Variants in SLC24A2 observed in about 807,000 individuals in gnomAD.
SLC24A2 encodes the protein solute carrier family 24 member 2, also known as sodium/potassium/calcium exchanger 2.
Under a neutral mutation model 62.0 loss-of-function variants are expected in SLC24A2, and 36 were observed. The observed-to-expected ratio is 0.58, with a 90% CI of 0.44 to 0.77. The LOEUF (loss-of-function observed/expected upper bound fraction) is 0.77, where lower values mean the gene tolerates loss of function less well. Among genes scored for constraint, SLC24A2 ranks in the 30% least tolerant of loss-of-function variants. The pLI, the probability that SLC24A2 is intolerant of heterozygous loss-of-function variation, is 0.00. For synonymous variants in SLC24A2, 358 were observed against 294.0 expected, an observed-to-expected ratio of 1.22 and a Z score of -2.23; for missense variants, 846 against 817.9, an observed-to-expected ratio of 1.03 and a Z score of -0.42.
At chr9:20,256,921 T>TACACACAC in the SLC24A2 span, among the ~76,000 whole-genome samples, 1,967 of 119,946 alleles carry the variant, frequency 0.016, 32 homozygotes, top group African/African-American at 0.041. Flanking sequence ...CTCCAGCATG[T>TACACACAC]ACACACACAC....
At chr9:20,299,769 G>A in the SLC24A2 span, among the ~76,000 whole-genome samples, 8 of 152,196 alleles carry the variant, frequency 5.3e-5, no homozygotes, top group Non-Finnish European at 8.8e-5. Flanking sequence ...AAAGAAACTC[G>A]TTCAGGGAGA....
intron 8 of SLC24A2, among the ~76,000 whole-genome samples, chr9:19,543,778 C>T (rs1038575423): frequency 2.0e-5 from 3 of 152,086 alleles, no homozygotes; most frequent in Non-Finnish European, 4.4e-5. Context: ...AATTTGATTG[C>T]ACTATGGTCT....
the SLC24A2 span, among the ~76,000 whole-genome samples, chr9:20,061,531 C>G: frequency 6.6e-6 from 1 of 152,174 alleles, no homozygotes; most frequent in Non-Finnish European, 1.5e-5. Context: ...AAATGATCCA[C>G]CTGCCTCAGC....
the SLC24A2 span, among the ~76,000 whole-genome samples, chr9:20,251,041 G>A: frequency 6.6e-6 from 1 of 152,178 alleles, no homozygotes; most frequent in African/African-American, 2.4e-5. Context: ...CAGACAGAGG[G>A]GTCAGATTTA....
chr9:20,231,836 G>C, the SLC24A2 span, among the ~76,000 whole-genome samples: 3 of 152,136 alleles, frequency 2.0e-5, no homozygotes, highest in Admixed American at 1.3e-4. Flanking sequence ...AATGCTTCCA[G>C]TTTTTGCCCA....
At chr9:20,176,388 C>A in the SLC24A2 span, among the ~76,000 whole-genome samples, 5 of 152,030 alleles carry the variant, frequency 3.3e-5, no homozygotes, top group Non-Finnish European at 5.9e-5. Context: ...GAAAAACAAT[C>A]AACAGCCTTG....
the SLC24A2 span, among the ~76,000 whole-genome samples, chr9:19,843,002 G>A: frequency 6.6e-6 from 1 of 152,146 alleles, no homozygotes; most frequent in Admixed American, 6.5e-5. Context: ...GTCATTTGAA[G>A]CCAGAACTGT....
At chr9:19,673,821 G>T (rs1819489561) in intron 2 of SLC24A2, among the ~76,000 whole-genome samples, 1 of 152,136 alleles carries the variant, frequency 6.6e-6, no homozygotes, top group Non-Finnish European at 1.5e-5. Flanking sequence ...TATCCATTCT[G>T]CCATTCTGTA....
the SLC24A2 span, among the ~76,000 whole-genome samples, chr9:20,019,230 A>G: frequency 6.9e-5 from 10 of 144,502 alleles, no homozygotes; most frequent in South Asian, 2.0e-3. Flanking sequence ...ACAGAAAGAA[A>G]GAAAGAAAAA....
At chr9:20,272,584 G>C in the SLC24A2 span, among the ~76,000 whole-genome samples, 1 of 152,152 alleles carries the variant, frequency 6.6e-6, no homozygotes, top group Admixed American at 6.5e-5. Context: ...TTGGAAAACT[G>C]AGAAACTAAA....
At chr9:19,758,476 C>T (rs967170247) in intron 2 of SLC24A2, among the ~76,000 whole-genome samples, 1 of 152,166 alleles carries the variant, frequency 6.6e-6, no homozygotes, top group African/African-American at 2.4e-5. Flanking sequence ...CTAATTAGGA[C>T]TATTCTACAC....
At chr9:20,076,328 T>C in the SLC24A2 span, among the ~76,000 whole-genome samples, 1 of 152,132 alleles carries the variant, frequency 6.6e-6, no homozygotes, top group African/African-American at 2.4e-5. Flanking sequence ...ATCTACTCAA[T>C]GTGATAGGAA....
the SLC24A2 span, among the ~76,000 whole-genome samples, chr9:20,000,580 G>T: frequency 6.6e-6 from 1 of 152,156 alleles, no homozygotes; most frequent in African/African-American, 2.4e-5. Flanking sequence ...AACAATAACT[G>T]CTGTAGGAGC....
the SLC24A2 span, among the ~76,000 whole-genome samples, chr9:19,807,221 T>C: frequency 4.5e-4 from 68 of 152,378 alleles, 1 homozygote; most frequent in East Asian, 0.013. Flanking sequence ...ATGCCAGTAC[T>C]TTAAGTTAGT....
chr9:19,895,166 C>G, the SLC24A2 span, among the ~76,000 whole-genome samples: 5 of 152,078 alleles, frequency 3.3e-5, no homozygotes, highest in East Asian at 9.6e-4. Context: ...ATGACTTCAT[C>G]AAGCTACAAT....
chr9:19,629,523 A>G (rs1320660332), intron 2 of SLC24A2, among the ~76,000 whole-genome samples: 1 of 152,190 alleles, frequency 6.6e-6, no homozygotes, highest in Non-Finnish European at 1.5e-5. Context: ...ATGATTTACT[A>G]TTATTATTTC....
chr9:20,206,451 CAAAA>C, the SLC24A2 span, among the ~76,000 whole-genome samples: 5 of 151,774 alleles, frequency 3.3e-5, no homozygotes, highest in Non-Finnish European at 7.4e-5. Context: ...GTAATTTTCC[CAAAA>C]AAAGTTACAT....
chr9:20,197,007 T>C, the SLC24A2 span, among the ~76,000 whole-genome samples: 1 of 152,230 alleles, frequency 6.6e-6, no homozygotes. Flanking sequence ...TTCCATTATA[T>C]GGATGTAACA....
the SLC24A2 span, among the ~76,000 whole-genome samples, chr9:20,185,440 C>T: frequency 3.5e-4 from 53 of 151,940 alleles, no homozygotes; most frequent in Admixed American, 1.1e-3. Flanking sequence ...CCGAGGTGGG[C>T]GGATCAAGAG....
Sources: allele counts gnomAD v4.1 joint callset (sites outside exome capture counted in the v4.1 genomes callset), GRCh38; gene constraint gnomAD v4.1.1; transcripts MANE v1.5; gene names NCBI Gene and HGNC (gene_info 2026-07-23, HGNC 2026-07-21).